Variants in MTUS2 observed in about 807,000 individuals in gnomAD.
MTUS2 encodes the protein microtubule-associated tumor suppressor candidate 2.
A neutral mutation model predicts 114.1 loss-of-function variants in MTUS2; 40 were observed. The observed-to-expected ratio is 0.35, with a 90% confidence interval of 0.27 to 0.46. The LOEUF (loss-of-function observed/expected upper bound fraction) is 0.46. MTUS2 is among the 20% of genes least tolerant of loss of function. MTUS2 has a pLI of 1.00. For synonymous variants in MTUS2, 688 were observed against 672.0 expected, an observed-to-expected ratio of 1.02 and a Z score of -0.37; for missense variants, 1,679 against 1,705.4, an observed-to-expected ratio of 0.98 and a Z score of 0.27.
chr13:29,132,379 G>A (rs540327278), intron 5 of MTUS2, among the ~76,000 whole-genome samples: 34 of 152,138 alleles, frequency 2.2e-4, no homozygotes, highest in Non-Finnish European at 4.1e-4. Flanking sequence ...GAATACACAC[G>A]ACAAAATTTG....
intron 7 of MTUS2, among the ~76,000 whole-genome samples, chr13:29,348,328 A>T (rs1868915093): frequency 6.6e-6 from 1 of 152,032 alleles, no homozygotes; most frequent in Admixed American, 6.6e-5. Context: ...AGAACAAAAG[A>T]TTCTTCTAGC....
chr13:29,024,809 C>G lies in MTUS2; in HGVS notation c.111C>G (p.Ala37=). ...ESILSLGDTN[A]NQIMLEVSSS... ...TCTTAAGTCTGGGAGATACGAATGCCAATCAAATCATGTTGGAGGTCAGCT... is the reference window on the plus strand; with the variant it reads ...TCTTAAGTCTGGGAGATACGAATGCGAATCAAATCATGTTGGAGGTCAGCT... The change falls in exon 3 of 16, where the codon GCC becomes GCG. Residue 37 remains alanine, a synonymous_variant. Transcript: ENST00000612955. 4.3e-6 allele frequency: 7 copies of G among 1,613,928 alleles called. No individual in the cohort carries two copies. Among genetic ancestry groups the G allele is most frequent in the Non-Finnish European group, 5.9e-6 (7 of 1,179,884 alleles).
Position 29,307,518 on chromosome 13 carries a change from C to CCAAATATGA in MTUS2, c.2807-17095_2807-17094insCAAATATGA. On this transcript the variant is annotated intron_variant, in intron 6 of 15. Coordinates refer to ENST00000612955, the MANE Select transcript of MTUS2 (RefSeq NM_001033602.4). ...ACTTGTCAGTTGTGGATCTGACCTG[C>CCAAATATGA]TGTCTTGAAAAACCTGCCAAATATG... The CCAAATATGA allele has an allele frequency of 2.4e-6, 3 of 1,256,116 alleles. No individual in the cohort carries two copies. The South Asian group carries it at 3.7e-5, about 15-fold the overall frequency. The allele number at this position is 1,256,116 out of a possible 1,614,324, so 77.8% of individuals were successfully genotyped here.
chr13:29,038,497 C>G (rs1338451050), intron 4 of MTUS2, among the ~76,000 whole-genome samples: 1 of 152,208 alleles, frequency 6.6e-6, no homozygotes, highest in African/African-American at 2.4e-5. Flanking sequence ...GGAGGTGTCT[C>G]CCAGTCAGGA....
intron 5 of MTUS2, among the ~76,000 whole-genome samples, chr13:29,227,448 C>T (rs1939499642): frequency 6.6e-6 from 1 of 152,164 alleles, no homozygotes; most frequent in African/African-American, 2.4e-5. Context: ...GGCTCGCTGT[C>T]TTAAGCTGCA....
At chr13:28,847,412 A>G (rs1875961041) in intron 2 of MTUS2, among the ~76,000 whole-genome samples, 1 of 152,078 alleles carries the variant, frequency 6.6e-6, no homozygotes, top group Non-Finnish European at 1.5e-5. Context: ...GAGGGAGGGG[A>G]GTAGTCCAAA....
chr13:29,111,287 T>C (rs556850811), intron 5 of MTUS2, among the ~76,000 whole-genome samples: 3 of 152,334 alleles, frequency 2.0e-5, no homozygotes, highest in Non-Finnish European at 2.9e-5. Flanking sequence ...CTTAATAAGA[T>C]AAAAATTTTA....
intron 1 of MTUS2, among the ~76,000 whole-genome samples, chr13:28,821,975 G>A (rs1873933962): frequency 6.6e-6 from 1 of 152,192 alleles, no homozygotes; most frequent in Non-Finnish European, 1.5e-5. Flanking sequence ...GGAATCTTAA[G>A]TGATATATTT....
intron 5 of MTUS2, among the ~76,000 whole-genome samples, chr13:29,250,861 A>G (rs1897100605): frequency 1.3e-5 from 2 of 152,198 alleles, no homozygotes; most frequent in South Asian, 2.1e-4. Flanking sequence ...GCAAAAAACA[A>G]TAATCTTCAG....
rs144470139 is a variant in MTUS2 at position 29,106,187 on chromosome 13, C to A, written c.2644+5217C>A. Among the ~76,000 whole-genome samples, 194 of 152,294 alleles carry A rather than the reference C, an allele frequency of 1.3e-3. 2 individuals carry two copies. The highest frequency in any genetic ancestry group is 4.2e-3 in the African/African-American group (174 of 41,564). The stretch of plus-strand genomic sequence containing the variant: ...ACTACTCACCTGCATTTCAAATGAG[C>A]CATCAAGTATCTCTAACCCGATGGC... On this transcript the variant is annotated intron_variant, in intron 5 of 15. Coordinates refer to ENST00000612955, the MANE Select transcript of MTUS2 (RefSeq NM_001033602.4).
At chr13:28,978,552 T>G (rs917756470) in intron 2 of MTUS2, among the ~76,000 whole-genome samples, 1 of 152,232 alleles carries the variant, frequency 6.6e-6, no homozygotes, top group African/African-American at 2.4e-5. Context: ...TCTTATCTGC[T>G]TAGCAGGCCA....
chr13:29,049,758 C>G (rs1184925632), intron 4 of MTUS2, among the ~76,000 whole-genome samples: 1 of 152,178 alleles, frequency 6.6e-6, no homozygotes, highest in Non-Finnish European at 1.5e-5. Context: ...GGAGTATCCA[C>G]AGCCCTTGTG....
intron 5 of MTUS2, among the ~76,000 whole-genome samples, chr13:29,260,287 T>C (rs560997865): frequency 4.6e-4 from 70 of 152,350 alleles, no homozygotes; most frequent in African/African-American, 1.6e-3. Context: ...CTTTGGACTT[T>C]AGTACAGCTC....
intron 1 of MTUS2, among the ~76,000 whole-genome samples, chr13:28,837,869 A>G (rs776800237): frequency 3.9e-5 from 6 of 152,182 alleles, no homozygotes; most frequent in Non-Finnish European, 8.8e-5. Context: ...TAAAGGGGAA[A>G]GTCGCTATTG....
chr13:29,323,760 G>A (rs1187890026), intron 6 of MTUS2, among the ~76,000 whole-genome samples: 1 of 152,134 alleles, frequency 6.6e-6, no homozygotes, highest in African/African-American at 2.4e-5. Flanking sequence ...GGAAGGAAGA[G>A]TGAGGTCTCA....
intron 5 of MTUS2, among the ~76,000 whole-genome samples, chr13:29,131,261 T>C (rs1295121815): frequency 6.6e-6 from 1 of 152,244 alleles, no homozygotes; most frequent in African/African-American, 2.4e-5. Flanking sequence ...CCTTAGTTTG[T>C]AGTTAAGAGA....
chr13:29,008,843 C>T (rs923831194), intron 2 of MTUS2, among the ~76,000 whole-genome samples: 4 of 151,188 alleles, frequency 2.6e-5, no homozygotes, highest in Non-Finnish European at 5.9e-5. Context: ...TTTGGTGGGC[C>T]CTTTTAATTG....
At chr13:29,502,925 A>G (rs1380423615) in intron 15 of MTUS2, 68 bp from the exon 16 acceptor site, 4 of 1,519,392 alleles carry the variant, frequency 2.6e-6, no homozygotes, top group Non-Finnish European at 3.6e-6. Context: ...GCCCTGCACC[A>G]TTGTCCTGAC....
chr13:29,042,741 A>G (rs1324352021), intron 4 of MTUS2, among the ~76,000 whole-genome samples: 1 of 152,040 alleles, frequency 6.6e-6, no homozygotes, highest in Non-Finnish European at 1.5e-5. Flanking sequence ...TAGATTTTCT[A>G]CTATGTGCAT....
Sources: gnomAD v4.1 joint callset for allele counts (sites outside exome capture counted in the v4.1 genomes callset) on GRCh38, gnomAD v4.1.1 for gene constraint, MANE v1.5 for transcripts, NCBI Gene and HGNC (gene_info 2026-07-23, HGNC 2026-07-21) for gene names.